PREX2: variants seen among roughly 807,000 people sequenced by gnomAD.
PREX2 encodes the protein phosphatidylinositol 3,4,5-trisphosphate-dependent Rac exchanger 2 protein.
PREX2 carries 107 observed loss-of-function variants against 203.2 expected under a neutral mutation model. The ratio of observed to expected loss-of-function variants is 0.53; its 90% CI spans 0.45 to 0.62. The LOEUF is 0.62. Among genes scored for constraint, PREX2 ranks in the 20% least tolerant of loss-of-function variants. PREX2 has a pLI of 0.00. For missense variants in PREX2, 1,777 were observed against 1,955.9 expected (o/e 0.91, Z 1.72); for synonymous variants, 672 against 663.6 (o/e 1.01, Z -0.19).
At chr8:68,043,276 G>A (rs917472849) in intron 7 of PREX2, among the ~76,000 whole-genome samples, 2 of 152,054 alleles carry the variant, frequency 1.3e-5, no homozygotes, top group Non-Finnish European at 2.9e-5. Flanking sequence ...TGAAGGTCTG[G>A]GGCTGACAAA....
intron 30 of PREX2, among the ~76,000 whole-genome samples, chr8:68,122,888 T>G (rs1806619829): frequency 6.6e-6 from 1 of 152,146 alleles, no homozygotes; most frequent in Admixed American, 6.6e-5. Context: ...ATGATTTCAC[T>G]TCTTTTGCAT....
rs1805362733 is a variant in PREX2, at chr8:67,952,306, A to C, written c.-89A>C. On this transcript the variant is annotated 5_prime_UTR_variant, in exon 1 of 40. Coordinates refer to ENST00000288368, the MANE Select transcript of PREX2 (RefSeq NM_024870.4). The stretch of plus-strand genomic sequence containing the variant: ...GAGTTGGCGGAGGCGGCAACTTTCC[A>C]TTCTCGCCGCCGGGGGCCGGGCAGC... The C allele has an allele frequency of 7.5e-6, 9 of 1,202,648 alleles. No homozygotes were observed. The Admixed American group carries it at 3.9e-4, about 52-fold the overall frequency. The allele number at this position is 1,202,648 out of a possible 1,614,324, so 74.5% of individuals were successfully genotyped here.
rs545860037 is a variant in PREX2, at chr8:68,036,781, T to C, written c.706-1378T>C. Among the ~76,000 whole-genome samples the C allele has an allele frequency of 7.9e-5, 12 of 151,950 alleles. No homozygotes were observed. The East Asian group carries it at 2.3e-3, about 30-fold the overall frequency. On this transcript the variant is annotated intron_variant, in intron 6 of 39. Coordinates refer to ENST00000288368, the MANE Select transcript of PREX2 (RefSeq NM_024870.4). ...ACCGACATGGAGAAACCCCGTCTCTTCTAAAAATATAAAATTAGCTGGGCG... is the reference window on the plus strand; with the variant it reads ...ACCGACATGGAGAAACCCCGTCTCTCCTAAAAATATAAAATTAGCTGGGCG...
At chr8:68,092,651 G>A (rs1417585107) in intron 20 of PREX2, among the ~76,000 whole-genome samples, 1 of 152,038 alleles carries the variant, frequency 6.6e-6, no homozygotes, top group Non-Finnish European at 1.5e-5. Flanking sequence ...ACATTACTTG[G>A]GAGACCAATG....
Position 68,223,833 on chromosome 8 carries a change from A to G in PREX2, c.4708-726A>G, listed in dbSNP as rs118119367. Among the ~76,000 whole-genome samples the G allele has an allele frequency of 8.5e-4, 130 of 152,304 alleles. 1 individual carries two copies. The highest frequency in any genetic ancestry group is 1.6e-3 in the Non-Finnish European group (107 of 68,022). Reference sequence around the variant, plus strand: ...TAGCTTGTCCAAAAATTGCTTTAGAATTAGTTAAGAAAATATTTTTTTGCT... The same window carrying G: ...TAGCTTGTCCAAAAATTGCTTTAGAGTTAGTTAAGAAAATATTTTTTTGCT... On this transcript the variant is annotated intron_variant, in intron 38 of 39. Transcript: ENST00000288368.
chr8:68,205,092 A>G (rs545536889), intron 37 of PREX2, among the ~76,000 whole-genome samples: 3 of 152,116 alleles, frequency 2.0e-5, no homozygotes, highest in South Asian at 2.1e-4. Flanking sequence ...TGTCCTTTTA[A>G]CAAGAGTCAA....
At chr8:68,186,546 C>T (rs978258453) in intron 35 of PREX2, among the ~76,000 whole-genome samples, 1 of 152,094 alleles carries the variant, frequency 6.6e-6, no homozygotes, top group Non-Finnish European at 1.5e-5. Flanking sequence ...TGGAGTCTTG[C>T]TCTGTTGCCC....
At chr8:68,174,857 C>CGGT (rs1344975360) in intron 35 of PREX2, among the ~76,000 whole-genome samples, 1 of 152,214 alleles carries the variant, frequency 6.6e-6, no homozygotes, top group Non-Finnish European at 1.5e-5. Flanking sequence ...TGACTCACAT[C>CGGT]ATGATGACTT....
intron 6 of PREX2, among the ~76,000 whole-genome samples, chr8:68,035,350 A>G (rs1216000561): frequency 6.6e-6 from 1 of 152,070 alleles, no homozygotes; most frequent in African/African-American, 2.4e-5. Flanking sequence ...CTTTTCTTCC[A>G]CTGTGAATGC....
chr8:68,125,255 A>G (rs943996370), intron 30 of PREX2, among the ~76,000 whole-genome samples: 2 of 152,120 alleles, frequency 1.3e-5, no homozygotes, highest in African/African-American at 2.4e-5. Flanking sequence ...CTGTCTTTAT[A>G]TAGTGAATGA....
intron 39 of PREX2, among the ~76,000 whole-genome samples, chr8:68,228,980 T>TGAAAAAAAAAA (rs1813114824): frequency 1.5e-5 from 2 of 136,914 alleles, no homozygotes; most frequent in African/African-American, 2.7e-5. Flanking sequence ...AAGAAAAAAA[T>TGAAAAAAAAAA]GGCTATGTGA....
At chr8:67,999,042 A>G (rs1334642204) in intron 1 of PREX2, among the ~76,000 whole-genome samples, 1 of 152,164 alleles carries the variant, frequency 6.6e-6, no homozygotes, top group Non-Finnish European at 1.5e-5. Flanking sequence ...GGTCTCTTGC[A>G]ACTTTCTACA....
At chr8:68,028,788 G>A (rs925930712) in intron 5 of PREX2, among the ~76,000 whole-genome samples, 9 of 152,032 alleles carry the variant, frequency 5.9e-5, no homozygotes, top group African/African-American at 1.9e-4. Flanking sequence ...AAGGGATAGG[G>A]AGATTAAAAG....
chr8:68,183,352 A>C (rs1022879315), intron 35 of PREX2, among the ~76,000 whole-genome samples: 1 of 152,138 alleles, frequency 6.6e-6, no homozygotes, highest in Admixed American at 6.6e-5. Flanking sequence ...CTTGAAACAC[A>C]ATTATCAAAT....
intron 37 of PREX2, among the ~76,000 whole-genome samples, chr8:68,216,172 C>T (rs1812835059): frequency 6.6e-6 from 1 of 152,186 alleles, no homozygotes; most frequent in African/African-American, 2.4e-5. Context: ...TTTTAAATCC[C>T]TCTCTCCTCT....
intron 38 of PREX2, among the ~76,000 whole-genome samples, chr8:68,221,477 A>G (rs917604793): frequency 7.1e-6 from 1 of 141,074 alleles, no homozygotes; most frequent in East Asian, 2.2e-4. Flanking sequence ...GTGAGGATTA[A>G]GTAAGTAAAT....
intron 32 of PREX2, among the ~76,000 whole-genome samples, chr8:68,135,475 G>GA (rs1811098407): frequency 6.6e-6 from 1 of 152,152 alleles, no homozygotes; most frequent in Non-Finnish European, 1.5e-5. Context: ...CACATGAAAA[G>GA]ATGATCAACA....
intron 25 of PREX2, among the ~76,000 whole-genome samples, chr8:68,112,596 T>C (rs1253812939): frequency 1.3e-5 from 2 of 152,148 alleles, no homozygotes; most frequent in East Asian, 3.9e-4. Context: ...AAGCCAACTT[T>C]TTTATAGATG....
chr8:68,164,270 T>A (rs1811710999), intron 35 of PREX2, among the ~76,000 whole-genome samples: 1 of 151,948 alleles, frequency 6.6e-6, no homozygotes, highest in Admixed American at 6.6e-5. Context: ...AGATAATTAA[T>A]GAAGGATTTC....
Sources: gnomAD v4.1 joint callset for allele counts (sites outside exome capture counted in the v4.1 genomes callset) on GRCh38, gnomAD v4.1.1 for gene constraint, MANE v1.5 for transcripts, NCBI Gene and HGNC (gene_info 2026-07-23, HGNC 2026-07-21) for gene names.